The following TAF4B variants were observed in gnomAD, a reference collection of about 807,000 sequenced individuals.
TAF4B encodes the protein transcription initiation factor TFIID subunit 4B.
Under a neutral mutation model 86.4 loss-of-function variants are expected in TAF4B, and 38 were observed. The observed-to-expected ratio is 0.44, with a 90% CI of 0.34 to 0.58. The LOEUF (loss-of-function observed/expected upper bound fraction) is 0.58. Among genes scored for constraint, TAF4B ranks in the 20% least tolerant of loss-of-function variants. The pLI, the probability that TAF4B is intolerant of heterozygous loss-of-function variation, is 0.02. For missense variants in TAF4B, 988 were observed against 1,027.6 expected (o/e 0.96, Z 0.53); for synonymous variants, 388 against 391.2 (o/e 0.99, Z 0.10).
rs189183147 is a variant in TAF4B at position 26,271,780 on chromosome 18, C to T, written c.598-2883C>T. Among the ~76,000 whole-genome samples the T allele has an allele frequency of 6.0e-4, 91 of 151,848 alleles. 1 individual carries two copies. Among genetic ancestry groups the T allele is most frequent in the East Asian group, 2.1e-3 (11 of 5,138 alleles). On this transcript the variant is annotated intron_variant, in intron 3 of 14. Transcript: ENST00000269142. ...CTCTACTAAACATTCAAAAATGAGC[C>T]GGGTGGTGTGGTGGGGGGCGGCTCT... is the stretch of plus-strand genomic sequence containing the variant.
chr18:26,284,542 T>C (rs2056486972), intron 6 of TAF4B, among the ~76,000 whole-genome samples: 1 of 152,162 alleles, frequency 6.6e-6, no homozygotes, highest in Admixed American at 6.5e-5. Flanking sequence ...TTGAACTGCC[T>C]TTACTCTTTA....
At chr18:26,377,212 C>T (rs1013348248) in intron 14 of TAF4B, among the ~76,000 whole-genome samples, 1 of 152,096 alleles carries the variant, frequency 6.6e-6, no homozygotes, top group Non-Finnish European at 1.5e-5. Flanking sequence ...AAAGTGTTCC[C>T]TCCTCTCCTA....
chr18:26,346,617 A>G (rs2057181336), intron 13 of TAF4B, among the ~76,000 whole-genome samples: 1 of 150,656 alleles, frequency 6.6e-6, no homozygotes, highest in Non-Finnish European at 1.5e-5. Context: ...CAATTCACAA[A>G]TAAAGGTATT....
At chr18:26,341,896 GT>G (rs142511715) in intron 13 of TAF4B, among the ~76,000 whole-genome samples, 1 of 151,234 alleles carries the variant, frequency 6.6e-6, no homozygotes, top group African/African-American at 2.4e-5. Context: ...ATGTTTAGTA[GT>G]TTTTTTTTCC....
intron 13 of TAF4B, among the ~76,000 whole-genome samples, chr18:26,353,739 C>T (rs1052612930): frequency 6.6e-6 from 1 of 152,170 alleles, no homozygotes; most frequent in Non-Finnish European, 1.5e-5. Context: ...AGTTTAAGTC[C>T]TTATCAGTAC....
intron 6 of TAF4B, among the ~76,000 whole-genome samples, chr18:26,282,667 G>A (rs1429226711): frequency 6.6e-6 from 1 of 152,158 alleles, no homozygotes; most frequent in Non-Finnish European, 1.5e-5. Flanking sequence ...TAAGACAACA[G>A]TGCAATTTGT....
Position 26,267,633 on chromosome 18 carries a change from G to A in TAF4B, c.597+10G>A. ...GCCTTCCTCAGTACAAGTAAGTTGT[G>A]CTGGCCATTCGTGCACTTGTTGTTC... On this transcript the variant is annotated intron_variant, in intron 3 of 14. Transcript: ENST00000269142. 3 of 1,579,304 alleles carry A rather than the reference G, an allele frequency of 1.9e-6. No individual in the cohort carries two copies. The highest frequency in any genetic ancestry group is 2.6e-6 in the Non-Finnish European group (3 of 1,148,712).
chr18:26,275,166 T>C (rs767370635), intron 5 of TAF4B, 113 bp downstream of exon 5: 136 of 1,199,794 alleles, frequency 1.1e-4, no homozygotes, highest in Non-Finnish European at 1.4e-4. Context: ...TTATTTAATT[T>C]ATGTTTTGAG....
At chr18:26,366,724 C>G (rs2057373982) in intron 14 of TAF4B, among the ~76,000 whole-genome samples, 1 of 152,144 alleles carries the variant, frequency 6.6e-6, no homozygotes, top group Admixed American at 6.5e-5. Flanking sequence ...TGAAAATTTC[C>G]ATGCATATGT....
chr18:26,270,318 T>C (rs1320615378), intron 3 of TAF4B, among the ~76,000 whole-genome samples: 1 of 152,196 alleles, frequency 6.6e-6, no homozygotes, highest in Non-Finnish European at 1.5e-5. Flanking sequence ...TCTACATCCA[T>C]GGGCTTTAAT....
chr18:26,236,656 G>T (rs988216022), intron 1 of TAF4B, among the ~76,000 whole-genome samples: 1 of 152,072 alleles, frequency 6.6e-6, no homozygotes, highest in Non-Finnish European at 1.5e-5. Context: ...CCGGGTTATT[G>T]CCCTGCTCCA....
At chr18:26,228,223 C>T (rs529080559) in intron 1 of TAF4B, among the ~76,000 whole-genome samples, 2 of 152,224 alleles carry the variant, frequency 1.3e-5, no homozygotes, top group East Asian at 3.9e-4. Flanking sequence ...TTGGAGTTTG[C>T]TTTCTGTTAA....
chr18:26,301,531 T>C (rs752412452), intron 9 of TAF4B, among the ~76,000 whole-genome samples: 3 of 152,120 alleles, frequency 2.0e-5, no homozygotes, highest in Non-Finnish European at 4.4e-5. Context: ...AGGCCTCGAG[T>C]GATCCTCCTG....
chr18:26,256,432 G>A (rs138482070), intron 1 of TAF4B: 3 of 820,326 alleles, frequency 3.7e-6, no homozygotes, highest in East Asian at 2.5e-5. Flanking sequence ...CAGAGTGCAC[G>A]CCAGGCCAGT....
intron 14 of TAF4B, among the ~76,000 whole-genome samples, chr18:26,371,352 C>T (rs908857055): frequency 1.3e-5 from 2 of 152,130 alleles, no homozygotes; most frequent in Non-Finnish European, 2.9e-5. Flanking sequence ...GACCTGTGCC[C>T]CTAATTCTTA....
At chr18:26,353,145 C>T (rs1435762770) in intron 13 of TAF4B, among the ~76,000 whole-genome samples, 4 of 152,028 alleles carry the variant, frequency 2.6e-5, no homozygotes, top group Non-Finnish European at 4.4e-5. Flanking sequence ...GCTAATATCT[C>T]TTATGAACAT....
chr18:26,371,087 G>A (rs149029932), intron 14 of TAF4B, among the ~76,000 whole-genome samples: 7 of 152,128 alleles, frequency 4.6e-5, no homozygotes, highest in Non-Finnish European at 1.0e-4. Context: ...GGTCATTTAT[G>A]AATAAGTGAG....
intron 5 of TAF4B, among the ~76,000 whole-genome samples, chr18:26,279,545 CAA>C (rs375937630): frequency 4.5e-4 from 51 of 113,510 alleles, no homozygotes; most frequent in African/African-American, 7.5e-4. Flanking sequence ...CAATTAGAAG[CAA>C]AAAAAAAAAA....
At chr18:26,327,625 C>CA (rs112454612) in intron 12 of TAF4B, among the ~76,000 whole-genome samples, 17,176 of 152,214 alleles carry the variant, frequency 0.11, 995 homozygotes, top group Middle Eastern at 0.14. Context: ...GGCTGGAATG[C>CA]AGTGGCATGA....
Sources: gnomAD v4.1 joint callset for allele counts (sites outside exome capture counted in the v4.1 genomes callset) on GRCh38, gnomAD v4.1.1 for gene constraint, MANE v1.5 for transcripts, NCBI Gene and HGNC (gene_info 2026-07-23, HGNC 2026-07-21) for gene names.